Variants in PXDNL observed in about 807,000 individuals in gnomAD.
The protein encoded by PXDNL is peroxidasin like, also known as probable oxidoreductase PXDNL.
A neutral mutation model predicts 150.8 loss-of-function variants in PXDNL; 145 were observed. The ratio of observed to expected loss-of-function variants is 0.96; its 90% CI spans 0.84 to 1.10. PXDNL has a LOEUF of 1.10. PXDNL is among the 50% of genes least tolerant of loss of function. The pLI, the probability that PXDNL is intolerant of heterozygous loss-of-function variation, is 0.00. For missense variants in PXDNL, 2,087 were observed against 1,873.9 expected (o/e 1.11, Z -2.10); for synonymous variants, 757 against 725.7 (o/e 1.04, Z -0.69).
chr8:51,573,234 G>A (rs1047810799), intron 3 of PXDNL, among the ~76,000 whole-genome samples: 26 of 151,878 alleles, frequency 1.7e-4, no homozygotes, highest in African/African-American at 5.6e-4. Context: ...CTATATTGAG[G>A]CACCCAACAC....
At chr8:51,791,526 T>G (rs1046492201) in intron 1 of PXDNL, among the ~76,000 whole-genome samples, 7 of 152,234 alleles carry the variant, frequency 4.6e-5, no homozygotes, top group African/African-American at 1.7e-4. Context: ...CCAACGCAGC[T>G]GTGACCATGT....
rs967109335 is a variant in PXDNL at position 51,661,862 on chromosome 8, G to C, written c.165-7102C>G. Among the ~76,000 whole-genome samples, 18 of 81,138 alleles carry C rather than the reference G, an allele frequency of 2.2e-4. No homozygotes were observed. The East Asian group carries it at 5.9e-3, about 27-fold the overall frequency. The allele number at this position is 81,138 out of a possible 152,430, so 53.2% of individuals were successfully genotyped here. ...TCTTTCTTTTCTTTTTTTTTTTTTT[G>C]TACATGTTTGATACTTATCTACAGA... On this transcript the variant is annotated intron_variant, in intron 1 of 22. Coordinates refer to ENST00000356297, the MANE Select transcript of PXDNL (RefSeq NM_144651.5).
Position 51,339,649 on chromosome 8 carries a change from T to C in PXDNL, c.4121A>G (p.Glu1374Gly). 6.2e-7 allele frequency: 1 copy of C among 1,613,846 alleles called. No individual in the cohort carries two copies. The highest frequency in any genetic ancestry group is 8.5e-7 in the Non-Finnish European group (1 of 1,179,818). ...DFSTFAAEIQ[E>G]TITALREQIN... ...CTGCTCTCTGAGTGCTGTGATGGTT[T>C]CCTGAATTTCCGCTGCAAACGTGCT... is the stretch of plus-strand genomic sequence containing the variant. Residue 1374 changes from glutamate (E) to glycine (G), a missense_variant, in exon 21 of 23, where the codon GAA becomes GGA. By Grantham distance (98) the Glu-to-Gly change is moderately conservative. Coordinates refer to ENST00000356297, the MANE Select transcript of PXDNL (RefSeq NM_144651.5).
chr8:51,561,733 G>C (rs1231947916), intron 3 of PXDNL, among the ~76,000 whole-genome samples: 1 of 151,854 alleles, frequency 6.6e-6, no homozygotes, highest in Non-Finnish European at 1.5e-5. Context: ...GATGGAAATG[G>C]AGAGTTATTT....
intron 5 of PXDNL, among the ~76,000 whole-genome samples, chr8:51,485,294 C>T (rs775946501): frequency 4.6e-5 from 7 of 152,026 alleles, no homozygotes; most frequent in South Asian, 4.1e-4. Context: ...TTATCTTTAC[C>T]GGCCCCATCT....
Position 51,582,685 on chromosome 8 carries a change from TA to T in PXDNL, c.308+9941del, listed in dbSNP as rs1179539812. ...GATAGAATGTAAAATGATGTTTTTT[TA>T]AATGACTTCATCAATTATGATAAAA... On this transcript the variant is annotated intron_variant, in intron 3 of 22. Transcript: ENST00000356297. 4.6e-5 allele frequency among the ~76,000 whole-genome samples: 7 copies of T among 152,318 alleles called. No individual in the cohort carries two copies. The East Asian group carries it at 1.4e-3, about 29-fold the overall frequency.
intron 1 of PXDNL, among the ~76,000 whole-genome samples, chr8:51,800,013 AG>A (rs1340026239): frequency 2.0e-5 from 3 of 152,164 alleles, no homozygotes; most frequent in Admixed American, 2.0e-4. Context: ...CTCTTTGAAC[AG>A]GCACATACCA....
chr8:51,552,316 A>G (rs1404091890), intron 4 of PXDNL, among the ~76,000 whole-genome samples: 1 of 151,774 alleles, frequency 6.6e-6, no homozygotes, highest in Non-Finnish European at 1.5e-5. Flanking sequence ...TGATCCAGCA[A>G]TCCCACTACT....
At position 51,409,070 on chromosome 8, in the gene PXDNL, G is replaced by A. The variant is rs558481163; in HGVS notation, c.2554C>T (p.Pro852Ser). ...CFPMNTRHAD[P>S]RGTHAPCMLF... is the part of the protein sequence containing the mutation. ...ATGCAGGGCGCGTGGGTGCCCCGGGGGTCGGCGTGCCGGGTGTTCATGGGG... is the reference window on the plus strand; with the variant it reads ...ATGCAGGGCGCGTGGGTGCCCCGGGAGTCGGCGTGCCGGGTGTTCATGGGG... The change falls in exon 17 of 23, where the codon CCC (proline) becomes TCC (serine). Residue 852 changes from proline to serine, a missense_variant. Transcript: ENST00000356297. The A allele has an allele frequency of 7.5e-5, 121 of 1,609,554 alleles. No individual in the cohort carries two copies. The highest frequency in any genetic ancestry group is 1.1e-5 in the Non-Finnish European group (13 of 1,179,490).
chr8:51,468,092 A>C (rs974885274), intron 8 of PXDNL, among the ~76,000 whole-genome samples: 1 of 152,016 alleles, frequency 6.6e-6, no homozygotes, highest in Non-Finnish European at 1.5e-5. Flanking sequence ...GCATGTGATC[A>C]ATCTTGATAA....
intron 3 of PXDNL, among the ~76,000 whole-genome samples, chr8:51,574,389 C>T (rs1813007963): frequency 1.3e-5 from 2 of 151,424 alleles, no homozygotes; most frequent in African/African-American, 4.9e-5. Flanking sequence ...AGAACATAGA[C>T]ATTAAAATAT....
chr8:51,682,491 C>T (rs1385436622), intron 1 of PXDNL, among the ~76,000 whole-genome samples: 2 of 152,136 alleles, frequency 1.3e-5, no homozygotes, highest in South Asian at 2.1e-4. Flanking sequence ...AGCAGCTCTA[C>T]GTATGCATTC....
chr8:51,358,933 T>C (rs1991692), intron 19 of PXDNL, among the ~76,000 whole-genome samples: 111,488 of 152,110 alleles, frequency 0.73, 41,412 homozygotes, highest in East Asian at 0.94. Context: ...CAGAGCAGCT[T>C]ACCTCTGAAA....
chr8:51,700,210 TAC>T (rs1816224735), intron 1 of PXDNL, among the ~76,000 whole-genome samples: 1 of 149,816 alleles, frequency 6.7e-6, no homozygotes, highest in African/African-American at 2.5e-5. Flanking sequence ...CACACACATA[TAC>T]ACAGATGCAT....
At chr8:51,579,308 T>G (rs73588763) in intron 3 of PXDNL, among the ~76,000 whole-genome samples, 3 of 151,898 alleles carry the variant, frequency 2.0e-5, no homozygotes, top group African/African-American at 7.3e-5. Context: ...TGAGCAGACA[T>G]GAATAGAAGA....
At chr8:51,376,693 T>G (rs1807320268) in intron 17 of PXDNL, among the ~76,000 whole-genome samples, 2 of 151,938 alleles carry the variant, frequency 1.3e-5, no homozygotes, top group Admixed American at 6.6e-5. Context: ...AAGTGAGAGT[T>G]AACATGTTTT....
intron 1 of PXDNL, among the ~76,000 whole-genome samples, chr8:51,683,271 C>CA (rs961872272): frequency 4.2e-5 from 6 of 142,978 alleles, no homozygotes; most frequent in Non-Finnish European, 9.1e-5. Flanking sequence ...CATTTGGTAT[C>CA]AATTGAGGCG....
chr8:51,496,103 C>T (rs1811041383), intron 5 of PXDNL, among the ~76,000 whole-genome samples: 1 of 152,180 alleles, frequency 6.6e-6, no homozygotes, highest in Admixed American at 6.5e-5. Context: ...GGCTTCATCC[C>T]TGGGATGCAA....
chr8:51,765,316 G>C (rs2037216462), intron 1 of PXDNL, among the ~76,000 whole-genome samples: 1 of 152,018 alleles, frequency 6.6e-6, no homozygotes, highest in Non-Finnish European at 1.5e-5. Flanking sequence ...AATCCCTTTG[G>C]CTTGGATCTC....
Sources: gnomAD v4.1 joint callset for allele counts (sites outside exome capture counted in the v4.1 genomes callset) on GRCh38, gnomAD v4.1.1 for gene constraint, MANE v1.5 for transcripts, NCBI Gene and HGNC (gene_info 2026-07-23, HGNC 2026-07-21) for gene names.